Variants in NKAIN3 observed in about 807,000 individuals in gnomAD.
NKAIN3 encodes sodium/potassium transporting ATPase interacting 3.
NKAIN3 carries 25 observed loss-of-function variants against 30.2 expected under a neutral mutation model. That is an observed-to-expected ratio of 0.83 (90% CI 0.60 to 1.16). The LOEUF (loss-of-function observed/expected upper bound fraction) is 1.16, where lower values mean the gene tolerates loss of function less well. NKAIN3 is among the 50% of genes most tolerant of loss of function. NKAIN3 has a pLI of 0.00. For missense variants in NKAIN3, 225 were observed against 254.1 expected (o/e 0.89, Z 0.78); for synonymous variants, 91 against 89.6 (o/e 1.02, Z -0.09).
intron 1 of NKAIN3, among the ~76,000 whole-genome samples, chr8:62,528,519 T>C (rs1000642366): frequency 1.3e-5 from 2 of 151,692 alleles, no homozygotes; most frequent in Admixed American, 1.3e-4. Flanking sequence ...AGCATTGGCA[T>C]TTGTCATTGT....
chr8:62,869,886 G>GC (rs1195495227), intron 4 of NKAIN3, among the ~76,000 whole-genome samples: 7 of 152,006 alleles, frequency 4.6e-5, no homozygotes, highest in Admixed American at 6.5e-5. Flanking sequence ...TCCTGCCTCA[G>GC]CCCCCCCGAA....
At chr8:62,955,174 G>C (rs1305429917) in intron 6 of NKAIN3, among the ~76,000 whole-genome samples, 4 of 152,098 alleles carry the variant, frequency 2.6e-5, no homozygotes, top group African/African-American at 4.8e-5. Flanking sequence ...ATGATCTAAA[G>C]TAAACATAGC....
chr8:62,850,925 T>G (rs1019944502), intron 4 of NKAIN3, among the ~76,000 whole-genome samples: 1 of 152,038 alleles, frequency 6.6e-6, no homozygotes, highest in Non-Finnish European at 1.5e-5. Flanking sequence ...CTTAGCATTG[T>G]CTTGGCTATG....
At chr8:62,676,722 T>C (rs1278554075) in intron 3 of NKAIN3, among the ~76,000 whole-genome samples, 1 of 151,900 alleles carries the variant, frequency 6.6e-6, no homozygotes, top group Non-Finnish European at 1.5e-5. Flanking sequence ...GTCTTTTTTT[T>C]TTTTTTTTTG....
chr8:62,425,452 C>G (rs1804778169), intron 1 of NKAIN3, among the ~76,000 whole-genome samples: 1 of 151,838 alleles, frequency 6.6e-6, no homozygotes, highest in Admixed American at 6.6e-5. Flanking sequence ...CTCAAAGTTA[C>G]ATGATATTTA....
At chr8:62,804,975 A>G (rs201639650) in intron 4 of NKAIN3, among the ~76,000 whole-genome samples, 108 of 152,310 alleles carry the variant, frequency 7.1e-4, no homozygotes, top group South Asian at 4.6e-3. Flanking sequence ...AAATAAATGT[A>G]CAAAAATCAC....
intron 1 of NKAIN3, among the ~76,000 whole-genome samples, chr8:62,249,882 A>G (rs934250895): frequency 6.6e-6 from 1 of 152,192 alleles, no homozygotes; most frequent in Non-Finnish European, 1.5e-5. Flanking sequence ...GCCCTTTCAG[A>G]GCAGAGCAAA....
chr8:62,998,097 A>G (rs538399542), intron 5 of NKAIN3, among the ~76,000 whole-genome samples: 210 of 152,330 alleles, frequency 1.4e-3, no homozygotes, highest in African/African-American at 5.0e-3. Context: ...GTTTGTGCTC[A>G]GAGACTTTAC....
intron 3 of NKAIN3, among the ~76,000 whole-genome samples, chr8:62,624,128 G>A (rs1165908138): frequency 6.6e-6 from 1 of 152,058 alleles, no homozygotes; most frequent in Non-Finnish European, 1.5e-5. Flanking sequence ...GACCAGTGAG[G>A]ATGAACAGAG....
intron 1 of NKAIN3, among the ~76,000 whole-genome samples, chr8:62,283,703 A>G (rs1813276900): frequency 6.6e-6 from 1 of 152,112 alleles, no homozygotes; most frequent in Non-Finnish European, 1.5e-5. Context: ...TAATTTTATA[A>G]GCTGCAAATA....
intron 1 of NKAIN3, among the ~76,000 whole-genome samples, chr8:62,385,987 C>T (rs13279406): frequency 0.42 from 63,835 of 152,132 alleles, 15,658 homozygotes; most frequent in Non-Finnish European, 0.54. Flanking sequence ...TTTTCCTCTA[C>T]GTTGCCTCTC....
intron 1 of NKAIN3, among the ~76,000 whole-genome samples, chr8:62,506,662 A>G (rs1045171414): frequency 1.2e-4 from 18 of 151,106 alleles, no homozygotes; most frequent in Non-Finnish European, 3.0e-5. Flanking sequence ...TTTAGTAGAG[A>G]CAGGGTTTCA....
chr8:62,607,888 G>A (rs971189325), intron 3 of NKAIN3, among the ~76,000 whole-genome samples: 3 of 152,128 alleles, frequency 2.0e-5, no homozygotes, highest in East Asian at 1.9e-4. Flanking sequence ...TTTTGTATAC[G>A]TTGAAATGTA....
intron 5 of NKAIN3, among the ~76,000 whole-genome samples, chr8:62,932,369 A>T (rs1430409388): frequency 6.6e-6 from 1 of 152,222 alleles, no homozygotes; most frequent in Non-Finnish European, 1.5e-5. Flanking sequence ...TGAAATGCAG[A>T]TACTGGTTTG....
chr8:62,857,856 C>A (rs1459599846), intron 4 of NKAIN3, among the ~76,000 whole-genome samples: 3 of 152,172 alleles, frequency 2.0e-5, no homozygotes, highest in Admixed American at 2.0e-4. Context: ...AGCATCTCAG[C>A]CTTAGCCCTG....
intron 4 of NKAIN3, among the ~76,000 whole-genome samples, chr8:62,852,943 G>A (rs569093671): frequency 2.9e-4 from 44 of 152,248 alleles, no homozygotes; most frequent in African/African-American, 9.4e-4. Flanking sequence ...GATTTGAGGT[G>A]GAGAGTTCTG....
At chr8:62,815,638 G>A (rs1472453256) in intron 4 of NKAIN3, among the ~76,000 whole-genome samples, 1 of 152,094 alleles carries the variant, frequency 6.6e-6, no homozygotes, top group Non-Finnish European at 1.5e-5. Context: ...TATCTCAATA[G>A]ATGCAGAAAA....
chr8:62,252,705 CTG>C (rs1812147605), intron 1 of NKAIN3, among the ~76,000 whole-genome samples: 1 of 152,174 alleles, frequency 6.6e-6, no homozygotes, highest in Non-Finnish European at 1.5e-5. Flanking sequence ...TGATTCATTA[CTG>C]TGTCACTGAT....
intron 4 of NKAIN3, among the ~76,000 whole-genome samples, chr8:62,883,033 G>A (rs1821033189): frequency 6.6e-6 from 1 of 152,036 alleles, no homozygotes; most frequent in African/African-American, 2.4e-5. Context: ...ACATAGTGTT[G>A]GCTATTCTAG....
Sources: allele counts gnomAD v4.1 joint callset (sites outside exome capture counted in the v4.1 genomes callset), GRCh38; gene constraint gnomAD v4.1.1; transcripts MANE v1.5; gene names NCBI Gene and HGNC (gene_info 2026-07-23, HGNC 2026-07-21).